The following CSNK2A1 variants were observed in gnomAD, a reference collection of about 807,000 sequenced individuals.
The protein encoded by CSNK2A1 is casein kinase 2 alpha 1, also known as casein kinase II subunit alpha.
A neutral mutation model predicts 62.9 loss-of-function variants in CSNK2A1; 10 were observed. The observed-to-expected ratio is 0.16, with a 90% confidence interval of 0.10 to 0.27. The LOEUF (loss-of-function observed/expected upper bound fraction) is 0.27, where lower values mean the gene tolerates loss of function less well. CSNK2A1 is among the 10% of genes least tolerant of loss of function. The pLI, the probability that CSNK2A1 is intolerant of heterozygous loss-of-function variation, is 1.00. For missense variants in CSNK2A1, 160 were observed against 492.0 expected (o/e 0.33, Z 6.38); for synonymous variants, 124 against 167.8 (o/e 0.74, Z 2.02).
intron 2 of CSNK2A1, among the ~76,000 whole-genome samples, chr20:514,042 G>A (rs1241053904): frequency 1.3e-5 from 2 of 152,124 alleles, no homozygotes; most frequent in African/African-American, 4.8e-5. Context: ...AAGAGATTGG[G>A]GGTTAAGGGA....
At chr20:527,220 G>T (rs1255315948) in intron 2 of CSNK2A1, among the ~76,000 whole-genome samples, 1 of 152,012 alleles carries the variant, frequency 6.6e-6, no homozygotes, top group Non-Finnish European at 1.5e-5. Flanking sequence ...GAAATTCCCA[G>T]AAGAAAAATA....
intron 9 of CSNK2A1, 81 bp from the exon 10 acceptor site, chr20:489,962 TA>T (rs34056933): frequency 1.6e-4 from 164 of 1,018,426 alleles, no homozygotes; most frequent in Non-Finnish European, 1.9e-4. Flanking sequence ...TTTTTAAAAT[TA>T]AAAAAAAATC....
chr20:486,673 A>G, intron 12 of CSNK2A1: 1 of 523,980 alleles, frequency 1.9e-6, no homozygotes. Context: ...GGTAAAAGCT[A>G]ACCTTTCAAT....
In CSNK2A1 at chr20:531,725, G is replaced by A. The variant is rs75449477; in HGVS notation, c.-226-3676C>T. On this transcript the variant is annotated intron_variant, in intron 1 of 13. Coordinates refer to ENST00000217244, the MANE Select transcript of CSNK2A1 (RefSeq NM_177559.3). ...TAAAAAATTAAACTGCTCAAACTAA[G>A]TATATGCCATTCTTTCCTGAAGGAA... 9.9e-5 allele frequency among the ~76,000 whole-genome samples: 15 copies of A among 152,282 alleles called. 1 individual carries two copies. The East Asian group carries it at 2.9e-3, about 29-fold the overall frequency.
At chr20:490,462 G>A (rs2018203986) in intron 9 of CSNK2A1, among the ~76,000 whole-genome samples, 1 of 143,860 alleles carries the variant, frequency 7.0e-6, no homozygotes, top group Admixed American at 7.0e-5. Context: ...CCAGGCTGCA[G>A]GGGTGTGATC....
chr20:500,606 A>G (rs564394835), intron 4 of CSNK2A1: 9 of 152,058 alleles, frequency 5.9e-5, no homozygotes, highest in African/African-American at 2.2e-4. Flanking sequence ...TAACATAATA[A>G]TAACTGTCTA....
intron 8 of CSNK2A1, among the ~76,000 whole-genome samples, chr20:493,617 C>T (rs2018282311): frequency 6.6e-6 from 1 of 152,112 alleles, no homozygotes; most frequent in African/African-American, 2.4e-5. Context: ...CTGACACTGG[C>T]ACAATTCAGA....
intron 4 of CSNK2A1, chr20:500,159 A>G: frequency 2.0e-6 from 1 of 499,182 alleles, no homozygotes; most frequent in Non-Finnish European, 3.6e-6. Context: ...TCTATTCCAA[A>G]GACCAGACAC....
chr20:523,858 C>CAAAAAAAAAAAAAAAAA (rs11401840), intron 2 of CSNK2A1, among the ~76,000 whole-genome samples: 5 of 45,540 alleles, frequency 1.1e-4, no homozygotes, highest in African/African-American at 2.8e-4. Flanking sequence ...GACTCCATCT[C>CAAAAAAAAAAAAAAAAA]AAAAAAAAAA....
chr20:494,655 T>TA (rs2018308113), intron 8 of CSNK2A1: 2 of 152,248 alleles, frequency 1.3e-5, no homozygotes, highest in African/African-American at 2.4e-5. Flanking sequence ...AAGCTTAGAA[T>TA]ATGCAAAAGC....
At chr20:523,494 A>G (rs2018992251) in intron 2 of CSNK2A1, among the ~76,000 whole-genome samples, 1 of 152,260 alleles carries the variant, frequency 6.6e-6, no homozygotes, top group African/African-American at 2.4e-5. Flanking sequence ...TTACACACAC[A>G]ATAACTTTGA....
intron 1 of CSNK2A1, 39 bp downstream of exon 1, chr20:543,633 C>T (rs1433926065): frequency 1.5e-5 from 6 of 397,576 alleles, no homozygotes; most frequent in East Asian, 1.1e-4. Context: ...TGGGCCCACC[C>T]CACCCGCCAA....
intron 12 of CSNK2A1, 152 bp downstream of exon 12, chr20:487,264 GTAATTCTGCAA>G: frequency 1.1e-6 from 1 of 898,444 alleles, no homozygotes; most frequent in Non-Finnish European, 1.7e-6. Context: ...AATTCTTCCA[GTAATTCTGCAA>G]TGTAGTTGCC....
At chr20:488,617 G>A (rs766240990) in intron 11 of CSNK2A1, 61 bp downstream of exon 11, 36 of 1,497,406 alleles carry the variant, frequency 2.4e-5, no homozygotes, top group Middle Eastern at 1.8e-4. Flanking sequence ...AAGATCCTAA[G>A]TGCCAGTTCA....
At chr20:541,661 A>G (rs571269383) in intron 1 of CSNK2A1, among the ~76,000 whole-genome samples, 2 of 152,342 alleles carry the variant, frequency 1.3e-5, no homozygotes, top group South Asian at 2.1e-4. Context: ...CACTTCACCC[A>G]TAACTACTTA....
chr20:535,487 G>A (rs1349491748), intron 1 of CSNK2A1, among the ~76,000 whole-genome samples: 1 of 152,106 alleles, frequency 6.6e-6, no homozygotes, highest in Non-Finnish European at 1.5e-5. Flanking sequence ...CGGGCGCGGT[G>A]GCTCACGCCT....
At chr20:495,657 T>G (rs2018331493) in intron 8 of CSNK2A1, 62 bp downstream of exon 8, 5 of 1,426,344 alleles carry the variant, frequency 3.5e-6, no homozygotes, top group Middle Eastern at 1.8e-4. Flanking sequence ...GGATAAAGTG[T>G]TGAAGATGGG....
At chr20:529,190 A>T (rs1017748119) in intron 1 of CSNK2A1, among the ~76,000 whole-genome samples, 8 of 137,124 alleles carry the variant, frequency 5.8e-5, no homozygotes, top group Non-Finnish European at 7.8e-5. Context: ...ACTCCTGGCT[A>T]TTTTTTTTTT....
intron 2 of CSNK2A1, among the ~76,000 whole-genome samples, chr20:520,727 T>G (rs2018928198): frequency 6.6e-6 from 1 of 152,204 alleles, no homozygotes; most frequent in African/African-American, 2.4e-5. Context: ...CTCAAATTTC[T>G]GAGCTCAACT....
Sources: allele counts gnomAD v4.1 joint callset (sites outside exome capture counted in the v4.1 genomes callset), GRCh38; gene constraint gnomAD v4.1.1; transcripts MANE v1.5; gene names NCBI Gene and HGNC (gene_info 2026-07-23, HGNC 2026-07-21).